TRDN: variants seen among roughly 807,000 people sequenced by gnomAD.
The protein encoded by TRDN is triadin in skeletal muscle.
TRDN carries 161 observed loss-of-function variants against 149.7 expected under a neutral mutation model. The ratio of observed to expected loss-of-function variants is 1.08; its 90% confidence interval spans 0.95 to 1.23. TRDN has a LOEUF of 1.23. Among genes scored for constraint, TRDN ranks in the 50% most tolerant of loss-of-function variants. The probability of loss-of-function intolerance (pLI) is 0.00; values close to 1 mark genes in which losing one functional copy is unlikely to be tolerated. For missense variants in TRDN, 896 were observed against 823.5 expected (o/e 1.09, Z -1.08); for synonymous variants, 294 against 250.5 (o/e 1.17, Z -1.64).
chr6:123,541,520 C>T (rs908928738), intron 4 of TRDN, among the ~76,000 whole-genome samples: 4 of 152,136 alleles, frequency 2.6e-5, no homozygotes, highest in Non-Finnish European at 5.9e-5. Context: ...ACTGTCTATT[C>T]TCTCTGGGCT....
chr6:123,448,979 T>C (rs1295516797), intron 10 of TRDN, among the ~76,000 whole-genome samples: 1 of 151,956 alleles, frequency 6.6e-6, no homozygotes, highest in Non-Finnish European at 1.5e-5. Context: ...CAACAATCAC[T>C]GCAGTTTGGC....
At chr6:123,325,333 A>G (rs1429227399) in intron 23 of TRDN, among the ~76,000 whole-genome samples, 2 of 152,142 alleles carry the variant, frequency 1.3e-5, no homozygotes, top group Admixed American at 1.3e-4. Context: ...CTAAGAATTT[A>G]TATTAGAGAC....
rs151095792 is a variant in TRDN at position 123,593,821 on chromosome 6, T to A, written c.23-22689A>T. Among the ~76,000 whole-genome samples, 5 of 152,304 alleles carry A rather than the reference T, an allele frequency of 3.3e-5. No homozygotes were observed. In the East Asian group the frequency reaches 9.6e-4, roughly 29 times the overall value. ...TTGTGGGAAGATACAATTCAACCTA[T>A]GACAAATGTTATATGGTCTCCTCAC... On this transcript the variant is annotated intron_variant, in intron 1 of 40. Coordinates refer to ENST00000334268, the MANE Select transcript of TRDN (RefSeq NM_006073.4).
intron 10 of TRDN, among the ~76,000 whole-genome samples, chr6:123,457,102 G>A (rs1245178014): frequency 6.6e-6 from 1 of 152,186 alleles, no homozygotes; most frequent in African/African-American, 2.4e-5. Context: ...TTCACAAACT[G>A]TGTCATCCTT....
chr6:123,300,972 G>C (rs903105543), intron 24 of TRDN, among the ~76,000 whole-genome samples: 2 of 151,854 alleles, frequency 1.3e-5, no homozygotes, highest in African/African-American at 4.8e-5. Context: ...TATTGCACTT[G>C]ATCATTCAAA....
At chr6:123,589,088 A>G (rs987157465) in intron 1 of TRDN, among the ~76,000 whole-genome samples, 2 of 152,192 alleles carry the variant, frequency 1.3e-5, no homozygotes, top group African/African-American at 2.4e-5. Flanking sequence ...AAAATTATTC[A>G]TCTTCCTCTC....
intron 7 of TRDN, among the ~76,000 whole-genome samples, chr6:123,508,721 TA>T (rs1295428987): frequency 6.6e-6 from 1 of 152,224 alleles, no homozygotes; most frequent in Non-Finnish European, 1.5e-5. Context: ...TGAAGTGTTC[TA>T]ACCAATGGCT....
intron 4 of TRDN, among the ~76,000 whole-genome samples, chr6:123,538,920 C>A (rs1780684980): frequency 6.6e-6 from 1 of 152,116 alleles, no homozygotes; most frequent in African/African-American, 2.4e-5. Flanking sequence ...GACAGAAGTA[C>A]AAATGATTGC....
chr6:123,464,098 G>T lies in TRDN; in HGVS notation c.931+808C>A, dbSNP rs148625848. On this transcript the variant is annotated intron_variant, in intron 10 of 40. Coordinates refer to ENST00000334268, the MANE Select transcript of TRDN (RefSeq NM_006073.4). ...AATTAATGATTTAGCTTTAATTACT[G>T]GTGTTTTATATAGGCAAATTGAGTC... Among the ~76,000 whole-genome samples, 434 of 152,228 alleles carry T rather than the reference G, an allele frequency of 2.9e-3. 2 individuals carry two copies. The highest frequency in any genetic ancestry group is 9.9e-3 in the African/African-American group (410 of 41,530).
intron 1 of TRDN, among the ~76,000 whole-genome samples, chr6:123,576,535 C>A (rs1022361639): frequency 5.9e-5 from 9 of 151,848 alleles, no homozygotes; most frequent in African/African-American, 2.2e-4. Context: ...CCTACCTACC[C>A]ACTCCATTCA....
intron 10 of TRDN, among the ~76,000 whole-genome samples, chr6:123,448,399 A>G (rs930285066): frequency 6.6e-6 from 1 of 152,098 alleles, no homozygotes; most frequent in Non-Finnish European, 1.5e-5. Flanking sequence ...GGCGGGGGAC[A>G]TGGTGGGAGT....
In TRDN at chr6:123,472,037, G is replaced by A. The variant is rs994119444; in HGVS notation, c.854-7054C>T. ...AAAATGGTCTCCGGAAGGATAAATAGTCTAACAAAGGTCATGCATTGAGAA... is the reference window on the plus strand; with the variant it reads ...AAAATGGTCTCCGGAAGGATAAATAATCTAACAAAGGTCATGCATTGAGAA... On this transcript the variant is annotated intron_variant, in intron 9 of 40. Transcript: ENST00000334268. Among the ~76,000 whole-genome samples the A allele has an allele frequency of 6.7e-4, 102 of 152,176 alleles. 1 individual carries two copies. Among genetic ancestry groups the A allele is most frequent in the Admixed American group, 6.5e-3 (100 of 15,280 alleles).
intron 32 of TRDN, 59 bp from the exon 33 acceptor site, chr6:123,265,397 C>T: frequency 1.8e-6 from 2 of 1,099,888 alleles, no homozygotes; most frequent in South Asian, 1.7e-5. Flanking sequence ...CTATGGGTGA[C>T]ATATCAGCCC....
At chr6:123,342,983 A>G (rs1459340443) in intron 21 of TRDN, among the ~76,000 whole-genome samples, 3 of 152,124 alleles carry the variant, frequency 2.0e-5, no homozygotes, top group Non-Finnish European at 4.4e-5. Flanking sequence ...TTATCAGGAA[A>G]CTTATTGTCA....
rs1434302113 is a variant in TRDN, at chr6:123,316,456, C to G, written c.1510+1G>C. ...ATGTAAATCTTACAAAATATCCTTA[C>G]CTGCTTTGGACATCTTTTCATCTTT... On this transcript the variant is annotated splice_donor_variant, in intron 24 of 40. Transcript: ENST00000334268. LOFTEE classifies it high-confidence loss of function. The G allele has an allele frequency of 6.2e-7, 1 of 1,609,964 alleles. No individual in the cohort carries two copies. The highest frequency in any genetic ancestry group is 8.5e-7 in the Non-Finnish European group (1 of 1,177,356).
rs1390798808 is a variant in TRDN, at chr6:123,225,545, T to TAC, written c.1976-1416_1976-1415dup. ...ACACACACACACACATACACACACA[T>TAC]ACACACACACAGAATGGTGGTAACT... On this transcript the variant is annotated intron_variant, in intron 38 of 40. Transcript: ENST00000334268. Among the ~76,000 whole-genome samples the TAC allele has an allele frequency of 9.5e-5, 13 of 137,134 alleles. No individual in the cohort carries two copies. In the East Asian group the frequency reaches 2.0e-3, roughly 21 times the overall value. 90.0% of individuals were successfully genotyped at this position (137,134 alleles called of 152,430 possible). A position where few individuals can be genotyped will look rare whatever the true frequency, so the allele number is the denominator to read the frequency against.
chr6:123,427,813 G>A lies in TRDN; in HGVS notation c.1051+10250C>T, dbSNP rs567292454. ...TAAAATTAAAGACTATTATCCAAGTGTAATTCTAAAACTACAAAGTAGAGG... is the reference window on the plus strand; with the variant it reads ...TAAAATTAAAGACTATTATCCAAGTATAATTCTAAAACTACAAAGTAGAGG... On this transcript the variant is annotated intron_variant, in intron 12 of 40. Transcript: ENST00000334268. Among the ~76,000 whole-genome samples the A allele has an allele frequency of 9.9e-5, 15 of 152,198 alleles. No homozygotes were observed. In the South Asian group the frequency reaches 2.7e-3, roughly 27 times the overall value.
intron 1 of TRDN, among the ~76,000 whole-genome samples, chr6:123,583,700 C>G (rs966914730): frequency 2.0e-5 from 3 of 151,956 alleles, no homozygotes; most frequent in Admixed American, 6.5e-5. Context: ...ACTGTGGTGG[C>G]CTTCTCAGAC....
chr6:123,356,853 T>C (rs927248974), intron 20 of TRDN, among the ~76,000 whole-genome samples: 15 of 151,360 alleles, frequency 9.9e-5, no homozygotes, highest in African/African-American at 3.6e-4. Flanking sequence ...GATATTGATA[T>C]TTTGTACCTT....
Sources: gnomAD v4.1 joint callset for allele counts (sites outside exome capture counted in the v4.1 genomes callset) on GRCh38, gnomAD v4.1.1 for gene constraint, MANE v1.5 for transcripts, NCBI Gene and HGNC (gene_info 2026-07-23, HGNC 2026-07-21) for gene names.